The following PRKN variants were observed in gnomAD, a reference collection of about 807,000 sequenced individuals.
PRKN encodes the protein parkin RBR E3 ubiquitin protein ligase.
Under a neutral mutation model 59.5 loss-of-function variants are expected in PRKN, and 56 were observed. That is an observed-to-expected ratio of 0.94 (90% CI 0.76 to 1.18). The LOEUF is 1.18. Among genes scored for constraint, PRKN ranks in the 50% most tolerant of loss-of-function variants. PRKN has a pLI of 0.00. For missense variants in PRKN, 657 were observed against 596.4 expected (o/e 1.10, Z -1.06); for synonymous variants, 250 against 222.1 (o/e 1.13, Z -1.12).
intron 7 of PRKN, among the ~76,000 whole-genome samples, chr6:161,751,494 T>C (rs1354619189): frequency 6.6e-6 from 1 of 152,266 alleles, no homozygotes; most frequent in Non-Finnish European, 1.5e-5. Context: ...TTCACACTGA[T>C]ATTTAAGTTG....
intron 5 of PRKN, among the ~76,000 whole-genome samples, chr6:162,052,500 G>C (rs1777683613): frequency 6.6e-6 from 1 of 151,868 alleles, no homozygotes; most frequent in South Asian, 2.1e-4. Context: ...TTTTCTGATT[G>C]TTAATTTATG....
intron 1 of PRKN, among the ~76,000 whole-genome samples, chr6:162,519,911 A>C (rs1778018300): frequency 6.6e-6 from 1 of 152,220 alleles, no homozygotes; most frequent in Non-Finnish European, 1.5e-5. Flanking sequence ...TCTGTGAATC[A>C]ATAAAATAAT....
chr6:162,518,756 T>C (rs1777968968), intron 1 of PRKN, among the ~76,000 whole-genome samples: 1 of 152,150 alleles, frequency 6.6e-6, no homozygotes, highest in Non-Finnish European at 1.5e-5. Flanking sequence ...TCACAAGACA[T>C]AGACATGTAA....
intron 1 of PRKN, among the ~76,000 whole-genome samples, chr6:162,491,221 G>A (rs1245033023): frequency 6.7e-6 from 1 of 148,736 alleles, no homozygotes; most frequent in Non-Finnish European, 1.5e-5. Flanking sequence ...AGTGAGCTGA[G>A]ATTGCACCAC....
At chr6:161,733,959 TACACACACACACACACAC>T (rs10597403) in intron 7 of PRKN, among the ~76,000 whole-genome samples, 31 of 133,650 alleles carry the variant, frequency 2.3e-4, no homozygotes, top group African/African-American at 6.2e-4. Context: ...AAAATTCATT[TACACACACACACACACAC>T]ACACACACAC....
chr6:161,796,427 C>T (rs1017065688), intron 6 of PRKN, among the ~76,000 whole-genome samples: 2 of 150,076 alleles, frequency 1.3e-5, no homozygotes, highest in African/African-American at 2.5e-5. Flanking sequence ...ATTTGGTTTA[C>T]CCTAGCTTTC....
intron 7 of PRKN, among the ~76,000 whole-genome samples, chr6:161,643,012 A>G (rs1267933981): frequency 6.6e-6 from 1 of 152,220 alleles, no homozygotes; most frequent in East Asian, 1.9e-4. Flanking sequence ...AAACTAGGAC[A>G]TAAGGACAGT....
At chr6:161,877,228 TCCC>T (rs953478503) in intron 6 of PRKN, among the ~76,000 whole-genome samples, 2 of 152,054 alleles carry the variant, frequency 1.3e-5, no homozygotes. Context: ...CCCACTGGTG[TCCC>T]CCACTCCAGC....
At chr6:162,333,458 A>C (rs1006456018) in intron 2 of PRKN, among the ~76,000 whole-genome samples, 3 of 152,150 alleles carry the variant, frequency 2.0e-5, no homozygotes, top group Non-Finnish European at 4.4e-5. Context: ...AATTCATATA[A>C]TATTTCAAAC....
At chr6:162,662,161 A>G (rs537095320) in intron 1 of PRKN, among the ~76,000 whole-genome samples, 86 of 151,866 alleles carry the variant, frequency 5.7e-4, no homozygotes, top group African/African-American at 1.8e-3. Flanking sequence ...ATCGAATGAT[A>G]GTTCTATTTT....
intron 6 of PRKN, among the ~76,000 whole-genome samples, chr6:161,856,170 G>T (rs535795614): frequency 6.6e-6 from 1 of 152,194 alleles, no homozygotes; most frequent in African/African-American, 2.4e-5. Flanking sequence ...GACCAGCCTG[G>T]TCAACACGGT....
intron 2 of PRKN, among the ~76,000 whole-genome samples, chr6:162,390,515 C>T (rs1338319931): frequency 6.6e-6 from 1 of 151,656 alleles, no homozygotes; most frequent in Non-Finnish European, 1.5e-5. Flanking sequence ...AATCTCAGCT[C>T]ACTGCAACCT....
intron 2 of PRKN, among the ~76,000 whole-genome samples, chr6:162,412,706 G>A (rs1037602651): frequency 6.6e-6 from 1 of 152,014 alleles, no homozygotes; most frequent in Non-Finnish European, 1.5e-5. Context: ...AAGCTCAACT[G>A]CAAGTTAAAT....
chr6:161,705,110 G>T (rs540729246), intron 7 of PRKN, among the ~76,000 whole-genome samples: 1 of 152,242 alleles, frequency 6.6e-6, no homozygotes, highest in South Asian at 2.1e-4. Context: ...ATTATTGTGG[G>T]CATGACTGTT....
At chr6:161,697,149 T>C (rs576605005) in intron 7 of PRKN, among the ~76,000 whole-genome samples, 1 of 152,284 alleles carries the variant, frequency 6.6e-6, no homozygotes, top group African/African-American at 2.4e-5. Context: ...AGCAGCAAAG[T>C]ATGAGTGGAT....
At chr6:161,890,925 G>A (rs967154210) in intron 6 of PRKN, among the ~76,000 whole-genome samples, 9 of 152,234 alleles carry the variant, frequency 5.9e-5, no homozygotes, top group South Asian at 2.1e-4. Flanking sequence ...GATGCCAGGC[G>A]GAACTTGCCT....
At chr6:161,733,112 G>A (rs1343857818) in intron 7 of PRKN, among the ~76,000 whole-genome samples, 3 of 152,082 alleles carry the variant, frequency 2.0e-5, no homozygotes, top group Non-Finnish European at 4.4e-5. Flanking sequence ...GGTATATGAG[G>A]TATTATTATC....
chr6:162,450,661 G>A (rs937487126), intron 1 of PRKN, among the ~76,000 whole-genome samples: 4 of 152,028 alleles, frequency 2.6e-5, no homozygotes, highest in African/African-American at 9.7e-5. Context: ...CGCACAAAAC[G>A]CAATTGAGGG....
chr6:162,458,682 A>G (rs9365440), intron 1 of PRKN, among the ~76,000 whole-genome samples: 2 of 128,116 alleles, frequency 1.6e-5, no homozygotes, highest in Admixed American at 1.6e-4. Context: ...TTGTAACTTT[A>G]TCTCTTTTTT....
Sources: allele counts gnomAD v4.1 joint callset (sites outside exome capture counted in the v4.1 genomes callset), GRCh38; gene constraint gnomAD v4.1.1; transcripts MANE v1.5; gene names NCBI Gene and HGNC (gene_info 2026-07-23, HGNC 2026-07-21).